LGALS1: variants seen among roughly 807,000 people sequenced by gnomAD.
The protein encoded by LGALS1 is galectin-1.
Under a neutral mutation model 14.4 loss-of-function variants are expected in LGALS1, and 14 were observed. The ratio of observed to expected loss-of-function variants is 0.97; its 90% confidence interval spans 0.64 to 1.52. The LOEUF is 1.52. Ranked by LOEUF, LGALS1 falls within the 40% of genes most tolerant of loss-of-function variation. The pLI, the probability that LGALS1 is intolerant of heterozygous loss-of-function variation, is 0.00. For missense variants in LGALS1, 170 were observed against 181.4 expected, an observed-to-expected ratio of 0.94 and a Z score of 0.36; for synonymous variants, 71 against 73.4, an observed-to-expected ratio of 0.97 and a Z score of 0.17.
chr22:37,678,696 GGTGGGCTGGGGC>G, intron 3 of LGALS1, 42 bp downstream of exon 3: 1 of 1,475,202 alleles, frequency 6.8e-7, no homozygotes, highest in Non-Finnish European at 9.1e-7. Context: ...ACAGGGGCTG[GGTGGGCTGGGGC>G]GGGGCTGGGT....
Position 37,678,919 on chromosome 22 carries a change from C to G in LGALS1, c.261+265C>G, listed in dbSNP as rs911303276. Among the ~76,000 whole-genome samples, 3 of 152,068 alleles carry G rather than the reference C, an allele frequency of 2.0e-5. No individual in the cohort carries two copies. The South Asian group carries it at 6.2e-4, about 31-fold the overall frequency. On this transcript the variant is annotated intron_variant, in intron 3 of 3. Transcript: ENST00000215909. ...CCGAGGCGGGCGGATCACCTGAGGT[C>G]GGGAGTTCGAGACCAGCCTGACCAA...
rs541228175 is a variant in LGALS1 at position 37,678,356 on chromosome 22, A to G, written c.90-127A>G. 135 of 1,016,734 alleles carry G rather than the reference A, an allele frequency of 1.3e-4. 1 individual carries two copies. The South Asian group carries it at 1.6e-3, about 12-fold the overall frequency. 63.0% of individuals were successfully genotyped at this position (1,016,734 alleles called of 1,614,324 possible). On this transcript the variant is annotated intron_variant, in intron 2 of 3. Coordinates refer to ENST00000215909, the MANE Select transcript of LGALS1 (RefSeq NM_002305.4). Reference sequence around the variant, plus strand: ...GGTGGCATGGCCAGAGCTAGAATCCAGGTTTCTTGTCTCTGTTAGTGAGTT... The same window carrying G: ...GGTGGCATGGCCAGAGCTAGAATCCGGGTTTCTTGTCTCTGTTAGTGAGTT...
At chr22:37,679,444 A>G (rs1921557511) in intron 3 of LGALS1, among the ~76,000 whole-genome samples, 159 bp from the exon 4 acceptor site, 1 of 151,874 alleles carries the variant, frequency 6.6e-6, no homozygotes, top group Non-Finnish European at 1.5e-5. Context: ...AAAAAAAAAA[A>G]TCTATCATAG....
At position 37,678,629 on chromosome 22, in the gene LGALS1, C is replaced by G; in HGVS notation, c.236C>G (p.Pro79Arg). ...WGTEQREAVF[P>R]FQPGSVAEVC... Reference sequence around the variant, plus strand: ...ACCGAGCAGCGGGAGGCTGTCTTTCCCTTCCAGCCTGGAAGTGTTGCAGAG... The same window carrying G: ...ACCGAGCAGCGGGAGGCTGTCTTTCGCTTCCAGCCTGGAAGTGTTGCAGAG... Residue 79 changes from proline to arginine, a missense_variant, in exon 3 of 4, where the codon CCC becomes CGC. Pro to Arg is a moderately radical substitution (Grantham distance 103). Coordinates refer to ENST00000215909, the MANE Select transcript of LGALS1 (RefSeq NM_002305.4). 1 of 1,607,006 alleles carries G rather than the reference C, an allele frequency of 6.2e-7. No individual in the cohort carries two copies. The highest frequency in any genetic ancestry group is 8.5e-7 in the Non-Finnish European group (1 of 1,176,906).
At chr22:37,675,787 G>T in intron 1 of LGALS1, 76 bp downstream of exon 1, 1 of 1,334,020 alleles carries the variant, frequency 7.5e-7, no homozygotes, top group Non-Finnish European at 1.0e-6. Context: ...TGGGCAGATC[G>T]GGAGCAGATT....
In LGALS1 at chr22:37,676,980, G is replaced by A. The variant is rs1921451055; in HGVS notation, c.10-6G>A. On this transcript the variant is annotated splice_region_variant and splice_polypyrimidine_tract_variant and intron_variant, in intron 1 of 3. Coordinates refer to ENST00000215909, the MANE Select transcript of LGALS1 (RefSeq NM_002305.4). ...AACCCGGCTGGGCCGGGGCTTGTCT[G>A]TGCAGGGTCTGGTCGCCAGCAACCT... 6.2e-7 allele frequency: 1 copy of A among 1,613,976 alleles called. No homozygotes were observed. Among genetic ancestry groups the A allele is most frequent in the African/African-American group, 1.3e-5 (1 of 74,954 alleles).
intron 2 of LGALS1, chr22:37,677,355 G>C: frequency 2.4e-6 from 1 of 415,638 alleles, no homozygotes; most frequent in Admixed American, 4.0e-5. Flanking sequence ...GTCTGGGCGG[G>C]ACCTGTCGCT....
In LGALS1 at chr22:37,675,643, T is replaced by C; in HGVS notation, c.-60T>C. ...GGGAGCGTCCGGGGGCCCATCTCTCTCGGGTGGAGTCTTCTGACAGCTGGT... is the reference window on the plus strand; with the variant it reads ...GGGAGCGTCCGGGGGCCCATCTCTCCCGGGTGGAGTCTTCTGACAGCTGGT... On this transcript the variant is annotated 5_prime_UTR_variant, in exon 1 of 4. Transcript: ENST00000215909. 1 of 1,542,860 alleles carries C rather than the reference T, an allele frequency of 6.5e-7. No homozygotes were observed. Among genetic ancestry groups the C allele is most frequent in the Non-Finnish European group, 8.7e-7 (1 of 1,142,904 alleles).
rs112965625 is a variant in LGALS1 at position 37,675,636 on chromosome 22, ATC to A, written c.-60_-59del. 1.2e-3 allele frequency: 1,878 copies of A among 1,534,344 alleles called. 31 individuals carry two copies. In the African/African-American group the frequency reaches 0.023, roughly 19 times the overall value. The stretch of plus-strand genomic sequence containing the variant: ...AAAGGGTGGGAGCGTCCGGGGGCCC[ATC>A]TCTCTCGGGTGGAGTCTTCTGACAG... On this transcript the variant is annotated 5_prime_UTR_variant, in exon 1 of 4. Coordinates refer to ENST00000215909, the MANE Select transcript of LGALS1 (RefSeq NM_002305.4).
chr22:37,679,100 C>T (rs1921542411), intron 3 of LGALS1, among the ~76,000 whole-genome samples: 1 of 143,570 alleles, frequency 7.0e-6, no homozygotes, highest in Non-Finnish European at 1.5e-5. Context: ...CACTGCACTC[C>T]AGCCTGGCCA....
chr22:37,675,788 G>A, intron 1 of LGALS1, 77 bp downstream of exon 1: 1 of 1,330,542 alleles, frequency 7.5e-7, no homozygotes. Context: ...GGGCAGATCG[G>A]GAGCAGATTC....
In LGALS1 at chr22:37,679,627, A is replaced by T. The variant is rs1296992832; in HGVS notation, c.286A>T (p.Asn96Tyr). 6.2e-7 allele frequency: 1 copy of T among 1,608,924 alleles called. No individual in the cohort carries two copies. ...GGTGTGCATCACCTTCGACCAGGCC[A>T]ACCTGACCGTCAAGCTGCCAGATGG... Reference protein sequence around the residue: ...AEVCITFDQANLTVKLPDGYE... With the variant: ...AEVCITFDQAYLTVKLPDGYE... Residue 96 changes from asparagine (N) to tyrosine (Y), a missense_variant, in exon 4 of 4, where the codon AAC becomes TAC. Coordinates refer to ENST00000215909, the MANE Select transcript of LGALS1 (RefSeq NM_002305.4).
At chr22:37,679,570 T>C (rs1482716010) in intron 3 of LGALS1, 33 bp from the exon 4 acceptor site, 1 of 1,542,678 alleles carries the variant, frequency 6.5e-7, no homozygotes, top group East Asian at 2.4e-5. Flanking sequence ...CCATGGCATG[T>C]GGGCCCGGCT....
chr22:37,677,157 C>A, intron 2 of LGALS1, 92 bp downstream of exon 2: 1 of 1,276,766 alleles, frequency 7.8e-7, no homozygotes, highest in Non-Finnish European at 1.1e-6. Flanking sequence ...CCTCCCTGGC[C>A]GGGAGCGGGT....
At chr22:37,677,321 C>A in intron 2 of LGALS1, 1 of 491,326 alleles carries the variant, frequency 2.0e-6, no homozygotes, top group Non-Finnish European at 3.7e-6. Context: ...AATACCTTGA[C>A]TCCCCCGCCC....
intron 2 of LGALS1, chr22:37,677,355 G>T: frequency 2.4e-6 from 1 of 415,638 alleles, no homozygotes; most frequent in Non-Finnish European, 4.5e-6. Flanking sequence ...GTCTGGGCGG[G>T]ACCTGTCGCT....
At chr22:37,678,390 A>T in intron 2 of LGALS1, 93 bp from the exon 3 acceptor site, 3 of 1,390,576 alleles carry the variant, frequency 2.2e-6, no homozygotes, top group Non-Finnish European at 2.0e-6. Context: ...TTCTTCCAGC[A>T]AGGTGCGTTC....
At chr22:37,679,475 A>T (rs2145790380) in intron 3 of LGALS1, 128 bp from the exon 4 acceptor site, 1 of 776,444 alleles carries the variant, frequency 1.3e-6, no homozygotes, top group African/African-American at 1.8e-5. Flanking sequence ...AAAAGAAAGA[A>T]AAAATATTAT....
intron 1 of LGALS1, 40 bp downstream of exon 1, chr22:37,675,751 G>T: frequency 6.7e-7 from 1 of 1,499,576 alleles, no homozygotes; most frequent in Non-Finnish European, 8.9e-7. Flanking sequence ...AGGGGATAGG[G>T]CAGGAACTGA....
Sources: gnomAD v4.1 joint callset for allele counts (sites outside exome capture counted in the v4.1 genomes callset) on GRCh38, gnomAD v4.1.1 for gene constraint, MANE v1.5 for transcripts, NCBI Gene and HGNC (gene_info 2026-07-23, HGNC 2026-07-21) for gene names.